The following FCER2 variants were observed in gnomAD, a reference collection of about 807,000 sequenced individuals.
The protein encoded by FCER2 is Fc epsilon receptor II.
A neutral mutation model predicts 49.7 loss-of-function variants in FCER2; 38 were observed. That is an observed-to-expected ratio of 0.76 (90% CI 0.59 to 1.00). FCER2 has a LOEUF of 1.00. Among genes scored for constraint, FCER2 ranks in the 50% least tolerant of loss-of-function variants. The probability of loss-of-function intolerance (pLI) is 0.00; values close to 1 mark genes in which losing one functional copy is unlikely to be tolerated. For synonymous variants in FCER2, 163 were observed against 164.6 expected, an observed-to-expected ratio of 0.99 and a Z score of 0.07; for missense variants, 425 against 419.5, an observed-to-expected ratio of 1.01 and a Z score of -0.11.
intron 6 of FCER2, 63 bp downstream of exon 6, chr19:7,697,173 G>C: frequency 6.2e-7 from 1 of 1,606,264 alleles, no homozygotes; most frequent in South Asian, 1.1e-5. Flanking sequence ...GTTCCCCAGG[G>C]CTCTGAGACA....
rs866904890 is a variant in FCER2, at chr19:7,696,847, C to T, written c.447G>A (p.Arg149=). 1 of 1,583,060 alleles carries T rather than the reference C, an allele frequency of 6.3e-7. No homozygotes were observed. Among genetic ancestry groups the T allele is most frequent in the Non-Finnish European group, 8.6e-7 (1 of 1,163,622 alleles). ...CACCGCTGGACACCTGCAACTCCAT[C>T]CTTAGCTTTGTCACCTCCTCCCGGA... is the stretch of plus-strand genomic sequence containing the variant. ...ERLREEVTKL[R]MELQVSSGFV... Residue 149 remains arginine (R), a synonymous_variant, in exon 8 of 11, where the codon AGG becomes AGA. Transcript: ENST00000597921.
chr19:7,692,012 CAG>C (rs2032886445), intron 8 of FCER2, among the ~76,000 whole-genome samples: 1 of 77,500 alleles, frequency 1.3e-5, no homozygotes, highest in African/African-American at 7.5e-5. Context: ...CCAACACCAT[CAG>C]CACGAATACA....
At chr19:7,691,968 A>T (rs2032884204) in intron 8 of FCER2, among the ~76,000 whole-genome samples, 2 of 151,576 alleles carry the variant, frequency 1.3e-5, no homozygotes. Flanking sequence ...CCATTGTCAC[A>T]CATTCACATT....
At chr19:7,697,445 A>T (rs973106418) in intron 5 of FCER2, 82 bp downstream of exon 5, 6 of 1,477,690 alleles carry the variant, frequency 4.1e-6, no homozygotes, top group Non-Finnish European at 5.7e-6. Flanking sequence ...GGGCACAGTG[A>T]GTCTTAATGC....
chr19:7,692,222 G>A (rs1416497864), intron 8 of FCER2, among the ~76,000 whole-genome samples: 1 of 130,676 alleles, frequency 7.7e-6, no homozygotes, highest in Non-Finnish European at 1.6e-5. Context: ...GCACATTCAT[G>A]TCCAACAACA....
At chr19:7,697,802 T>C (rs1238499677) in intron 4 of FCER2, among the ~76,000 whole-genome samples, 2 of 152,158 alleles carry the variant, frequency 1.3e-5, no homozygotes, top group Non-Finnish European at 1.5e-5. Flanking sequence ...GGGTTAACTA[T>C]AAAAGCAGTA....
intron 8 of FCER2, among the ~76,000 whole-genome samples, chr19:7,695,088 G>A (rs1371188521): frequency 2.0e-5 from 3 of 152,044 alleles, no homozygotes; most frequent in South Asian, 2.1e-4. Context: ...CTCCTGCCTC[G>A]GCCTCCCAAA....
At position 7,694,314 on chromosome 19, in the gene FCER2, A is replaced by G. The variant is rs1011189344; in HGVS notation, c.469+2511T>C. 2.0e-5 allele frequency among the ~76,000 whole-genome samples: 3 copies of G among 152,134 alleles called. No homozygotes were observed. The East Asian group carries it at 5.8e-4, about 29-fold the overall frequency. On this transcript the variant is annotated intron_variant, in intron 8 of 10. Transcript: ENST00000597921. Reference sequence around the variant, plus strand: ...CAGGAGTTTGAGGCCGTAGTGAGCCATGATTGTGCCACTGCACTCCAGCCT... The same window carrying G: ...CAGGAGTTTGAGGCCGTAGTGAGCCGTGATTGTGCCACTGCACTCCAGCCT...
At position 7,690,368 on chromosome 19, in the gene FCER2, G is replaced by A. The variant is rs528496860; in HGVS notation, c.621+38C>T. On this transcript the variant is annotated intron_variant, in intron 9 of 10. Coordinates refer to ENST00000597921, the MANE Select transcript of FCER2 (RefSeq NM_001220500.2). ...GTGGGGTGGGGGTCCCCCCACCCTC[G>A]CCATGCTGCCCACCACCTCTGCAGA... 11 of 1,607,574 alleles carry A rather than the reference G, an allele frequency of 6.8e-6. No individual in the cohort carries two copies. The East Asian group carries it at 1.8e-4, about 26-fold the overall frequency.
intron 8 of FCER2, among the ~76,000 whole-genome samples, chr19:7,695,683 G>A (rs1022271266): frequency 1.3e-5 from 2 of 152,184 alleles, no homozygotes; most frequent in Non-Finnish European, 2.9e-5. Flanking sequence ...TTGGGAGACT[G>A]AGGCGGAATG....
chr19:7,690,599 G>A (rs76013233), intron 8 of FCER2, 42 bp from the exon 9 acceptor site: 466,690 of 1,592,928 alleles, frequency 0.29, 72,287 homozygotes, highest in African/African-American at 0.54. Context: ...CAATGGAAGT[G>A]CCTTGGGCAC....
intron 1 of FCER2, among the ~76,000 whole-genome samples, chr19:7,700,576 A>G (rs1344183892): frequency 6.6e-6 from 1 of 152,102 alleles, no homozygotes; most frequent in Admixed American, 6.6e-5. Flanking sequence ...GTGCAGGGGC[A>G]CGATCTCGGC....
At chr19:7,689,465 G>T in intron 10 of FCER2, 35 bp from the exon 11 acceptor site, 2 of 1,389,382 alleles carry the variant, frequency 1.4e-6, no homozygotes, top group South Asian at 1.2e-5. Context: ...GGGATGGGGC[G>T]GGGAGAAGGA....
rs1202737374 is a variant in FCER2 at position 7,700,792 on chromosome 19, C to T, written c.-85-947G>A. On this transcript the variant is annotated intron_variant, in intron 1 of 10. Coordinates refer to ENST00000597921, the MANE Select transcript of FCER2 (RefSeq NM_001220500.2). ...CCTCCCAAAGTGCTGGGATTACAGG[C>T]GTGAGCCACTGTGCATGGCCTATTT... is the stretch of plus-strand genomic sequence containing the variant. Among the ~76,000 whole-genome samples the T allele has an allele frequency of 4.6e-5, 7 of 150,666 alleles. No homozygotes were observed. In the Admixed American group the frequency reaches 4.6e-4, roughly 10 times the overall value.
chr19:7,692,083 A>T (rs371386305), intron 8 of FCER2, among the ~76,000 whole-genome samples: 4 of 67,934 alleles, frequency 5.9e-5, no homozygotes, highest in East Asian at 4.5e-4. Flanking sequence ...TTCATGTCCA[A>T]CAACACATCA....
intron 8 of FCER2, 27 bp from the exon 9 acceptor site, chr19:7,690,584 G>A (rs774543328): frequency 3.7e-6 from 6 of 1,606,504 alleles, no homozygotes; most frequent in African/African-American, 1.3e-5. Context: ...GCTCGGGGGT[G>A]GGGCCAATGG....
intron 8 of FCER2, among the ~76,000 whole-genome samples, chr19:7,694,135 C>T (rs1184412173): frequency 6.6e-6 from 1 of 152,162 alleles, no homozygotes; most frequent in African/African-American, 2.4e-5. Context: ...TCTGCAGTAG[C>T]TTGAGATGAG....
chr19:7,697,421 G>T (rs558068649), intron 5 of FCER2, 106 bp downstream of exon 5: 1 of 1,448,694 alleles, frequency 6.9e-7, no homozygotes, highest in Non-Finnish European at 9.7e-7. Context: ...TGCAGTTCCC[G>T]GGTGTCGGGG....
intron 4 of FCER2, 69 bp from the exon 5 acceptor site, chr19:7,697,658 C>A: frequency 7.7e-7 from 1 of 1,301,634 alleles, no homozygotes; most frequent in South Asian, 1.2e-5. Flanking sequence ...CGCCTATGCC[C>A]CAGGCTCAGG....
Sources: gnomAD v4.1 joint callset for allele counts (sites outside exome capture counted in the v4.1 genomes callset) on GRCh38, gnomAD v4.1.1 for gene constraint, MANE v1.5 for transcripts, NCBI Gene and HGNC (gene_info 2026-07-23, HGNC 2026-07-21) for gene names.